Variants in CCDC141 observed in about 807,000 individuals in gnomAD.
CCDC141 encodes the protein coiled-coil domain containing 141.
CCDC141 carries 168 observed loss-of-function variants against 181.0 expected under a neutral mutation model. The observed-to-expected ratio is 0.93, with a 90% CI of 0.82 to 1.05. CCDC141 has a LOEUF of 1.05. Ranked by LOEUF, CCDC141 falls within the 50% of genes least tolerant of loss-of-function variation. The pLI is 0.00. For synonymous variants in CCDC141, 666 were observed against 642.3 expected (o/e 1.04, Z -0.56); for missense variants, 1,902 against 1,788.5 (o/e 1.06, Z -1.14).
At position 178,977,242 on chromosome 2, in the gene CCDC141, A is replaced by C. The variant is rs373511878; in HGVS notation, c.417+1242T>G. Among the ~76,000 whole-genome samples, 5 of 152,326 alleles carry C rather than the reference A, an allele frequency of 3.3e-5. No homozygotes were observed. In the East Asian group the frequency reaches 9.6e-4, roughly 29 times the overall value. ...TTTACTTCATGTTATATCTGAAAGG[A>C]ATTTACTCATCATGGAGAAAATAAG... is the stretch of plus-strand genomic sequence containing the variant. On this transcript the variant is annotated intron_variant, in intron 3 of 23. Coordinates refer to ENST00000443758, the MANE Select transcript of CCDC141 (RefSeq NM_173648.4).
intron 3 of CCDC141, among the ~76,000 whole-genome samples, chr2:178,976,689 A>G (rs1327285549): frequency 2.6e-5 from 4 of 152,326 alleles, no homozygotes; most frequent in African/African-American, 7.2e-5. Context: ...TCATTTCTCA[A>G]AAACTCCTAC....
intron 6 of CCDC141, among the ~76,000 whole-genome samples, chr2:178,927,900 T>C (rs1325262816): frequency 2.6e-5 from 4 of 152,164 alleles, no homozygotes; most frequent in African/African-American, 4.8e-5. Flanking sequence ...TCTGTGTGAC[T>C]AGGCGACTTT....
chr2:178,860,526 C>CA (rs541144833), intron 17 of CCDC141, among the ~76,000 whole-genome samples: 15,607 of 54,440 alleles, frequency 0.29, 1,644 homozygotes, highest in Non-Finnish European at 0.34. Flanking sequence ...GAGCGAGACT[C>CA]AAAAAAAAAA....
rs34883828 is a variant in CCDC141, at chr2:178,905,448, C to A, written c.1146G>T (p.Glu382Asp). Reference protein sequence around the residue: ...VEAYLKLLKSEGLSLAVLAVR... With the variant: ...VEAYLKLLKSDGLSLAVLAVR... ...CTGCCAAAACAGCCAGACTTAAACC[C>A]TCTGATTTAAGGAGCTTAAGGTAAG... The change falls in exon 8 of 24, where the codon GAG becomes GAT. Residue 382 changes from glutamate to aspartate, a missense_variant. By Grantham distance (45) the Glu-to-Asp change is conservative. Transcript: ENST00000443758. The A allele has an allele frequency of 0.13, 196,595 of 1,550,558 alleles. 13,270 individuals are homozygous for A. The highest frequency in any genetic ancestry group is 0.14 in the African/African-American group (10,095 of 73,090).
chr2:179,004,131 G>T (rs530284839), intron 2 of CCDC141, among the ~76,000 whole-genome samples: 1 of 152,166 alleles, frequency 6.6e-6, no homozygotes, highest in Non-Finnish European at 1.5e-5. Flanking sequence ...TTGGTCTATT[G>T]GTTTCTGAAA....
At chr2:178,994,894 A>G (rs1045558979) in intron 2 of CCDC141, among the ~76,000 whole-genome samples, 1 of 152,190 alleles carries the variant, frequency 6.6e-6, no homozygotes, top group African/African-American at 2.4e-5. Context: ...AACAAAAGTC[A>G]TCTTTGCTCC....
At chr2:178,905,191 C>G in intron 8 of CCDC141, 138 bp downstream of exon 8, 12 of 775,356 alleles carry the variant, frequency 1.5e-5, no homozygotes, top group South Asian at 8.2e-5. Flanking sequence ...GATCAAACTT[C>G]AATAGATCCT....
rs1688269536 is a variant in CCDC141, at chr2:178,912,652, G to A, written c.1092+6061C>T. 2.0e-5 allele frequency among the ~76,000 whole-genome samples: 3 copies of A among 152,236 alleles called. No individual in the cohort carries two copies. The South Asian group carries it at 6.2e-4, about 32-fold the overall frequency. ...GACATCATCTGTTTCTTGTGGTGAGGTTTGCATCATCATGACTTTTTCAAT... is the reference window on the plus strand; with the variant it reads ...GACATCATCTGTTTCTTGTGGTGAGATTTGCATCATCATGACTTTTTCAAT... On this transcript the variant is annotated intron_variant, in intron 7 of 23. Transcript: ENST00000443758.
chr2:178,845,765 A>T (rs1331729029), intron 21 of CCDC141, 23 bp from the exon 22 acceptor site: 1 of 1,419,164 alleles, frequency 7.0e-7, no homozygotes, highest in Non-Finnish European at 1.0e-6. Flanking sequence ...ACAGTTAGTG[A>T]GAGCATGAGC....
chr2:178,818,948 C>T, the CCDC141 span, among the ~76,000 whole-genome samples: 1 of 152,126 alleles, frequency 6.6e-6, no homozygotes, highest in African/African-American at 2.4e-5. Flanking sequence ...TGAATAGAGT[C>T]ATCTTGTGAA....
chr2:178,940,406 C>G (rs2154376778), intron 6 of CCDC141, among the ~76,000 whole-genome samples: 1 of 152,282 alleles, frequency 6.6e-6, no homozygotes, highest in South Asian at 2.1e-4. Context: ...TGGCTTCATT[C>G]TATTTATGCA....
chr2:178,912,941 C>G (rs964107653), intron 7 of CCDC141, among the ~76,000 whole-genome samples: 2 of 152,176 alleles, frequency 1.3e-5, no homozygotes, highest in East Asian at 1.9e-4. Flanking sequence ...CTCTGGGGAG[C>G]CTTCCTTGAC....
chr2:178,905,536 T>G, intron 7 of CCDC141, 35 bp from the exon 8 acceptor site: 1 of 1,523,482 alleles, frequency 6.6e-7, no homozygotes, highest in Non-Finnish European at 8.8e-7. Flanking sequence ...TTTCTGCTTC[T>G]CTAGTTTAAA....
chr2:178,932,887 T>G (rs1689153203), intron 6 of CCDC141, among the ~76,000 whole-genome samples: 1 of 152,190 alleles, frequency 6.6e-6, no homozygotes, highest in African/African-American at 2.4e-5. Flanking sequence ...TGGGAGATTC[T>G]GCTTTACTTC....
chr2:178,820,032 A>G, the CCDC141 span, among the ~76,000 whole-genome samples: 1 of 152,214 alleles, frequency 6.6e-6, no homozygotes. Context: ...AGTAAAGCAC[A>G]CCACTGATAC....
intron 2 of CCDC141, among the ~76,000 whole-genome samples, chr2:178,999,349 T>A (rs914833572): frequency 2.0e-5 from 3 of 152,088 alleles, no homozygotes; most frequent in African/African-American, 4.8e-5. Flanking sequence ...ATTTGAACCC[T>A]TTCCTTTCTC....
intron 2 of CCDC141, among the ~76,000 whole-genome samples, chr2:178,992,450 CA>C (rs1692102396): frequency 6.7e-6 from 1 of 148,728 alleles, no homozygotes; most frequent in Non-Finnish European, 1.5e-5. Flanking sequence ...TCTTCTTGAA[CA>C]GTCCTTTCCT....
chr2:178,999,713 C>G (rs903233713), intron 2 of CCDC141, among the ~76,000 whole-genome samples: 19 of 152,050 alleles, frequency 1.2e-4, no homozygotes, highest in Non-Finnish European at 1.9e-4. Flanking sequence ...GGTCTATCAT[C>G]TATTTCTCAG....
chr2:179,045,635 A>C lies in CCDC141; in HGVS notation c.225+1649T>G, dbSNP rs200791732. 5.9e-5 allele frequency among the ~76,000 whole-genome samples: 9 copies of C among 151,696 alleles called. No individual in the cohort carries two copies. In the East Asian group the frequency reaches 1.6e-3, roughly 27 times the overall value. ...TAGTTTACAGTCCCACCAACAGTGTAAAAGTGTTCCTATTTCTCCACATCC... is the reference window on the plus strand; with the variant it reads ...TAGTTTACAGTCCCACCAACAGTGTCAAAGTGTTCCTATTTCTCCACATCC... On this transcript the variant is annotated intron_variant, in intron 2 of 23. Transcript: ENST00000443758.
Sources: allele counts gnomAD v4.1 joint callset (sites outside exome capture counted in the v4.1 genomes callset), GRCh38; gene constraint gnomAD v4.1.1; transcripts MANE v1.5; gene names NCBI Gene and HGNC (gene_info 2026-07-23, HGNC 2026-07-21).